STYXL1: variants seen among roughly 807,000 people sequenced by gnomAD.
STYXL1 encodes serine/threonine/tyrosine interacting like 1.
STYXL1 carries 32 observed loss-of-function variants against 36.4 expected under a neutral mutation model. The ratio of observed to expected loss-of-function variants is 0.88; its 90% CI spans 0.66 to 1.18. The LOEUF (loss-of-function observed/expected upper bound fraction) is 1.18. Ranked by LOEUF, STYXL1 falls within the 50% of genes most tolerant of loss-of-function variation. The pLI, the probability that STYXL1 is intolerant of heterozygous loss-of-function variation, is 0.00. For synonymous variants in STYXL1, 133 were observed against 144.1 expected (o/e 0.92, Z 0.55); for missense variants, 354 against 394.1 (o/e 0.90, Z 0.86).
At chr7:76,013,047 G>A (rs567390520) in intron 5 of STYXL1, among the ~76,000 whole-genome samples, 10 of 152,266 alleles carry the variant, frequency 6.6e-5, no homozygotes, top group African/African-American at 1.4e-4. Flanking sequence ...AACTGTGGCC[G>A]GGCAGGATGG....
intron 1 of STYXL1, among the ~76,000 whole-genome samples, chr7:76,040,083 T>C (rs1020727802): frequency 6.6e-6 from 1 of 151,986 alleles, no homozygotes; most frequent in Non-Finnish European, 1.5e-5. Context: ...GCTAGACCCC[T>C]GAGAGGTGCC....
intron 5 of STYXL1, among the ~76,000 whole-genome samples, chr7:76,009,321 G>A (rs548413397): frequency 2.5e-3 from 99 of 40,164 alleles, no homozygotes; most frequent in African/African-American, 9.8e-3. Context: ...CACAGCCCCC[G>A]TCACCCACGC....
chr7:76,005,527 G>A (rs1032826891), intron 5 of STYXL1, 123 bp from the exon 6 acceptor site: 18 of 895,908 alleles, frequency 2.0e-5, no homozygotes, highest in African/African-American at 9.9e-5. Context: ...TGAATGTGAC[G>A]GAGATCCAGA....
chr7:75,999,312 TCA>T (rs1790508337), intron 8 of STYXL1, among the ~76,000 whole-genome samples: 1 of 152,120 alleles, frequency 6.6e-6, no homozygotes, highest in South Asian at 2.1e-4. Context: ...GTAGTCAAAT[TCA>T]CAGAGACAAA....
intron 4 of STYXL1, among the ~76,000 whole-genome samples, chr7:76,019,648 C>T (rs1033457461): frequency 1.3e-5 from 2 of 151,954 alleles, no homozygotes; most frequent in Non-Finnish European, 2.9e-5. Context: ...GACAAAGACA[C>T]TTCCAGAAGG....
Position 76,005,340 on chromosome 7 carries a change from A to T in STYXL1, c.518T>A (p.Phe173Tyr), listed in dbSNP as rs1791536691. 1 of 1,613,680 alleles carries T rather than the reference A, an allele frequency of 6.2e-7. No individual in the cohort carries two copies. The highest frequency in any genetic ancestry group is 1.1e-5 in the South Asian group (1 of 91,044). The stretch of plus-strand genomic sequence containing the variant: ...AATCTTGGGGTCACAGGCTTGACTG[A>T]AATTGCCAACGAAGACCTTCCCTGG... ...IVPGKVFVGNFSQACDPKIQK... is the reference protein window; with the variant it reads ...IVPGKVFVGNYSQACDPKIQK... The change falls in exon 6 of 9, where the codon TTC (phenylalanine) becomes TAC (tyrosine). Residue 173 changes from phenylalanine (F) to tyrosine (Y), a missense_variant. Phe to Tyr is a conservative substitution (Grantham distance 22). Transcript: ENST00000359697.
chr7:76,037,155 G>A (rs1489362473), intron 1 of STYXL1, among the ~76,000 whole-genome samples: 2 of 150,014 alleles, frequency 1.3e-5, no homozygotes, highest in East Asian at 3.9e-4. Context: ...GGGTGTCCAA[G>A]GCAGAAGGAA....
In STYXL1 at chr7:76,039,560, C is replaced by T. The variant is rs782254808; in HGVS notation, c.-5+8102G>A. Among the ~76,000 whole-genome samples the T allele has an allele frequency of 3.9e-5, 6 of 152,208 alleles. 1 individual carries two copies. Among genetic ancestry groups the T allele is most frequent in the African/African-American group, 9.7e-5 (4 of 41,450 alleles). On this transcript the variant is annotated intron_variant, in intron 1 of 8. Coordinates refer to ENST00000359697, the MANE Select transcript of STYXL1 (RefSeq NM_001317785.2). ...TAACTCAGAGGGACACCAGGTCCCA[C>T]TGGCACAGAAGAAAGAAAGAGGGAA...
At chr7:76,009,518 T>C (rs553364990) in intron 5 of STYXL1, among the ~76,000 whole-genome samples, 121 of 152,188 alleles carry the variant, frequency 8.0e-4, no homozygotes, top group Admixed American at 7.9e-3. Context: ...TCAATTGATT[T>C]TCCTGCCTCA....
At chr7:76,011,895 A>T (rs1024981437) in intron 5 of STYXL1, among the ~76,000 whole-genome samples, 3 of 152,268 alleles carry the variant, frequency 2.0e-5, no homozygotes, top group Admixed American at 6.5e-5. Flanking sequence ...ACCAGTCATC[A>T]GCAGAAACTG....
Position 76,021,993 on chromosome 7 carries a change from CT to C in STYXL1, c.166-2del. 1.3e-6 allele frequency: 2 copies of C among 1,595,292 alleles called. No homozygotes were observed. The highest frequency in any genetic ancestry group is 1.7e-6 in the Non-Finnish European group (2 of 1,176,226). On this transcript the variant is annotated splice_acceptor_variant, in intron 3 of 8. Coordinates refer to ENST00000359697, the MANE Select transcript of STYXL1 (RefSeq NM_001317785.2). LOFTEE classifies it high-confidence loss of function. The stretch of plus-strand genomic sequence containing the variant: ...CCGGGAGAAGATATTCATTATTTTT[CT>C]TAAAAAAAAAAACACACACACACAA...
In STYXL1 at chr7:76,005,423, A is replaced by G; in HGVS notation, c.454-19T>C. 2 of 1,584,182 alleles carry G rather than the reference A, an allele frequency of 1.3e-6. No individual in the cohort carries two copies. Among genetic ancestry groups the G allele is most frequent in the Non-Finnish European group, 1.7e-6 (2 of 1,159,214 alleles). On this transcript the variant is annotated intron_variant, in intron 5 of 8. Transcript: ENST00000359697. Reference sequence around the variant, plus strand: ...CCAGTTCCTGAAGTGTGGAGGGAGAAAGGCAGCTATGAGCATATTCCTCAG... The same window carrying G: ...CCAGTTCCTGAAGTGTGGAGGGAGAGAGGCAGCTATGAGCATATTCCTCAG...
intron 1 of STYXL1, chr7:76,044,067 A>G (rs1563531129): frequency 1.3e-5 from 2 of 152,216 alleles, no homozygotes; most frequent in Non-Finnish European, 2.9e-5. Context: ...AATGCCTACC[A>G]CACAGTGCTT....
intron 4 of STYXL1, among the ~76,000 whole-genome samples, chr7:76,018,539 T>A (rs1793671632): frequency 6.6e-6 from 1 of 152,102 alleles, no homozygotes; most frequent in African/African-American, 2.4e-5. Flanking sequence ...TACAGGCACA[T>A]GCCACCACGC....
intron 5 of STYXL1, among the ~76,000 whole-genome samples, chr7:76,008,730 G>C (rs1236369805): frequency 6.6e-6 from 1 of 152,170 alleles, no homozygotes; most frequent in African/African-American, 2.4e-5. Context: ...AAAAGGCCAG[G>C]CATGGTGGCT....
intron 4 of STYXL1, among the ~76,000 whole-genome samples, chr7:76,020,739 G>A (rs536661397): frequency 6.6e-6 from 1 of 152,178 alleles, no homozygotes; most frequent in Admixed American, 6.5e-5. Flanking sequence ...TTGAACTCCT[G>A]GGCTCAAGTG....
rs528469396 is a variant in STYXL1, at chr7:76,042,390, CTTTTTTTTTTTTTTTT to C, written c.-5+5256_-5+5271del. ...ACTGCTCCCTGGGTGCCCTTATGTGCTTTTTTTTTTTTTTTTTTTTTTTTTTTTTTTTAAGATGGAG... is the reference window on the plus strand; with the variant it reads ...ACTGCTCCCTGGGTGCCCTTATGTGCTTTTTTTTTTTTTTTTAAGATGGAG... On this transcript the variant is annotated intron_variant, in intron 1 of 8. Transcript: ENST00000359697. Among the ~76,000 whole-genome samples the C allele has an allele frequency of 6.6e-3, 278 of 41,838 alleles. 8 individuals are homozygous for C. The highest frequency in any genetic ancestry group is 0.011 in the Admixed American group (28 of 2,488). 27.4% of individuals were successfully genotyped at this position (41,838 alleles called of 152,430 possible). A position where few individuals can be genotyped will look rare whatever the true frequency, so the allele number is the denominator to read the frequency against.
At position 76,047,885 on chromosome 7, in the gene STYXL1, C is replaced by T. The variant is rs370406421; in HGVS notation, c.-228G>A. On this transcript the variant is annotated 5_prime_UTR_variant, in exon 1 of 9. Transcript: ENST00000359697. The stretch of plus-strand genomic sequence containing the variant: ...TTCCACCTCTTGGGTGCAGACTGGC[C>T]CTCCCACTCCGACCGCAGGTCCCCC... The T allele has an allele frequency of 2.9e-6, 4 of 1,390,840 alleles. No homozygotes were observed. Among genetic ancestry groups the T allele is most frequent in the Non-Finnish European group, 2.8e-6 (3 of 1,069,354 alleles). 86.2% of individuals were successfully genotyped at this position (1,390,840 alleles called of 1,614,324 possible). A position where few individuals can be genotyped will look rare whatever the true frequency, so the allele number is the denominator to read the frequency against.
chr7:76,020,471 T>C (rs1212008638), intron 4 of STYXL1, among the ~76,000 whole-genome samples: 1 of 152,114 alleles, frequency 6.6e-6, no homozygotes, highest in African/African-American at 2.4e-5. Context: ...ATGGAGCACA[T>C]TGGAACTGAC....
Sources: allele counts gnomAD v4.1 joint callset (sites outside exome capture counted in the v4.1 genomes callset), GRCh38; gene constraint gnomAD v4.1.1; transcripts MANE v1.5; gene names NCBI Gene and HGNC (gene_info 2026-07-23, HGNC 2026-07-21).